The following IGF2R variants were observed in gnomAD, a reference collection of about 807,000 sequenced individuals.
IGF2R encodes the protein insulin like growth factor 2 receptor, also known as cation-independent mannose-6-phosphate receptor.
A neutral mutation model predicts 270.6 loss-of-function variants in IGF2R; 91 were observed. The ratio of observed to expected loss-of-function variants is 0.34; its 90% confidence interval spans 0.28 to 0.40. The LOEUF is 0.40. Ranked by LOEUF, IGF2R falls within the 10% of genes least tolerant of loss-of-function variation. The pLI is 1.00. For missense variants in IGF2R, 2,805 were observed against 3,188.3 expected, an observed-to-expected ratio of 0.88 and a Z score of 2.90; for synonymous variants, 1,316 against 1,258.9, an observed-to-expected ratio of 1.05 and a Z score of -0.96.
intron 1 of IGF2R, among the ~76,000 whole-genome samples, chr6:159,976,667 C>T (rs1396646120): frequency 1.3e-5 from 2 of 151,486 alleles, no homozygotes; most frequent in Non-Finnish European, 2.9e-5. Context: ...CTCCATATTT[C>T]AATTTTGTGT....
chr6:159,991,122 A>G (rs1192616244), intron 1 of IGF2R, 62 bp from the exon 2 acceptor site: 3 of 1,486,286 alleles, frequency 2.0e-6, no homozygotes, highest in East Asian at 2.3e-5. Flanking sequence ...GAATAAAACT[A>G]GAGAGAAGTT....
At chr6:159,988,963 T>C (rs1026453060) in intron 1 of IGF2R, among the ~76,000 whole-genome samples, 1 of 152,174 alleles carries the variant, frequency 6.6e-6, no homozygotes. Context: ...TGCCCAGTAA[T>C]ACTTGGGTTA....
intron 31 of IGF2R, among the ~76,000 whole-genome samples, chr6:160,070,709 A>G (rs3798180): frequency 0.46 from 69,979 of 151,968 alleles, 16,935 homozygotes; most frequent in East Asian, 0.67. Context: ...CGTGCATGAC[A>G]AGCTCGGTGG....
chr6:160,052,768 A>G (rs1210095383), intron 19 of IGF2R, among the ~76,000 whole-genome samples: 1 of 152,216 alleles, frequency 6.6e-6, no homozygotes, highest in African/African-American at 2.4e-5. Context: ...GAGTCCTCAG[A>G]AATAACACCA....
At chr6:160,047,361 G>T in intron 16 of IGF2R, 25 bp downstream of exon 16, 1 of 1,540,554 alleles carries the variant, frequency 6.5e-7, no homozygotes, top group Non-Finnish European at 8.7e-7. Context: ...TCCTCATCGC[G>T]CTCCCTGAGG....
intron 1 of IGF2R, among the ~76,000 whole-genome samples, chr6:159,969,771 C>A (rs981600088): frequency 2.0e-5 from 3 of 152,154 alleles, no homozygotes; most frequent in Non-Finnish European, 2.9e-5. Context: ...TTGCTTTGTT[C>A]CCGCTGCGCG....
At position 160,073,888 on chromosome 6, in the gene IGF2R, T is replaced by A; in HGVS notation, c.5079T>A (p.Asn1693Lys). Reference sequence around the variant, plus strand: ...ATACCAACCCTGATTTCTACATCAATATTTGTCAGCCACTAAATCCCATGC... The same window carrying A: ...ATACCAACCCTGATTTCTACATCAAAATTTGTCAGCCACTAAATCCCATGC... ...ASDTNPDFYI[N>K]ICQPLNPMHG... Residue 1693 changes from asparagine (N) to lysine (K), a missense_variant, in exon 35 of 48, where the codon AAT (asparagine) becomes AAA (lysine). Asn to Lys is a moderately conservative substitution (Grantham distance 94). Around this residue, in one of 2 missense-constraint regions of IGF2R, gnomAD observed 1,851 missense variants for 2,207.2 expected, o/e 0.84. Coordinates refer to ENST00000356956, the MANE Select transcript of IGF2R (RefSeq NM_000876.4). 2 of 1,614,214 alleles carry A rather than the reference T, an allele frequency of 1.2e-6. No homozygotes were observed. The highest frequency in any genetic ancestry group is 1.7e-6 in the Non-Finnish European group (2 of 1,180,018).
chr6:160,061,703 T>C (rs756993009), intron 24 of IGF2R, 50 bp from the exon 25 acceptor site: 1 of 1,613,484 alleles, frequency 6.2e-7, no homozygotes, highest in South Asian at 1.1e-5. Flanking sequence ...AGCATTTGAC[T>C]CAAGGTCATC....
At position 160,102,710 on chromosome 6, in the gene IGF2R, A is replaced by G; in HGVS notation, c.6995+39A>G. ...AGGGCGAGGTGGGGCGGGTGGATGC[A>G]TGCCTCCCATAGCTAATCTTGGGGT... On this transcript the variant is annotated intron_variant, in intron 46 of 47. Transcript: ENST00000356956. This position sits in a 1 kb window ranked among gnomAD's most constrained non-coding sequence, Gnocchi z 4.5. 1 of 1,550,044 alleles carries G rather than the reference A, an allele frequency of 6.5e-7. No individual in the cohort carries two copies. The highest frequency in any genetic ancestry group is 2.4e-5 in the East Asian group (1 of 41,770).
At chr6:160,005,825 T>TC (rs1784214637) in intron 2 of IGF2R, 3 of 140,240 alleles carry the variant, frequency 2.1e-5, no homozygotes, top group African/African-American at 8.0e-5. Context: ...CCTCCCCATG[T>TC]CCCCCACGAC....
rs535124525 is a variant in IGF2R, at chr6:160,050,764, G to A, written c.2694+112G>A. 3.3e-6 allele frequency: 3 copies of A among 917,548 alleles called. No individual in the cohort carries two copies. Among genetic ancestry groups the A allele is most frequent in the East Asian group, 5.4e-5 (2 of 37,222 alleles). The allele number at this position is 917,548 out of a possible 1,614,324, so 56.8% of individuals were successfully genotyped here. On this transcript the variant is annotated intron_variant, in intron 19 of 47. Transcript: ENST00000356956. This position sits in a 1 kb window ranked among gnomAD's most constrained non-coding sequence, Gnocchi z 4.0. ...TGGGGTGGGTGGCGGAGCTAGGCCA[G>A]TCTTAGTTCTGCTTAAGGTCAGTGT...
In IGF2R at chr6:160,040,585, A is replaced by T. The variant is rs996265035; in HGVS notation, c.1341A>T (p.Val447=). ...TAGNDGKGTP[V]FTGEVDCTYF... ...GTAACGATGGGAAAGGAACTCCTGT[A>T]TTCACAGGGGAGGTTGACTGCACCT... Residue 447 remains valine, a synonymous_variant, in exon 11 of 48, where the codon GTA becomes GTT. Transcript: ENST00000356956. 3.1e-6 allele frequency: 5 copies of T among 1,613,838 alleles called. No homozygotes were observed. The African/African-American group carries it at 5.3e-5, about 17-fold the overall frequency.
chr6:160,068,861 C>G (rs1375238065), intron 30 of IGF2R, among the ~76,000 whole-genome samples: 2 of 152,090 alleles, frequency 1.3e-5, no homozygotes, highest in Non-Finnish European at 2.9e-5. Flanking sequence ...CGTGGTTCGG[C>G]CGAGAAACAG....
At chr6:160,076,349 A>G (rs1778854891) in intron 36 of IGF2R, among the ~76,000 whole-genome samples, 1 of 152,224 alleles carries the variant, frequency 6.6e-6, no homozygotes, top group Non-Finnish European at 1.5e-5. Flanking sequence ...ACATTTGGGC[A>G]GCTATAGTCA....
chr6:160,040,769 G>T, intron 11 of IGF2R, 45 bp downstream of exon 11: 2 of 1,562,246 alleles, frequency 1.3e-6, no homozygotes, highest in South Asian at 2.3e-5. Context: ...CATGCTCATG[G>T]AACATTTTCC....
chr6:159,979,014 T>G (rs1444144524), intron 1 of IGF2R, among the ~76,000 whole-genome samples: 1 of 151,276 alleles, frequency 6.6e-6, no homozygotes, highest in Non-Finnish European at 1.5e-5. Context: ...TTTTCAGGAG[T>G]GTGTGACAGC....
chr6:160,088,207 C>T, intron 42 of IGF2R, 60 bp downstream of exon 42: 2 of 1,123,144 alleles, frequency 1.8e-6, no homozygotes, highest in South Asian at 1.2e-5. Context: ...GGGAATTCCT[C>T]CTTGGGGTTT....
intron 4 of IGF2R, among the ~76,000 whole-genome samples, chr6:160,013,907 A>G (rs1184482800): frequency 1.3e-5 from 2 of 152,246 alleles, no homozygotes; most frequent in African/African-American, 2.4e-5. Flanking sequence ...TTTAAAACAT[A>G]TTGAAGGTTT....
chr6:160,010,825 C>A, intron 4 of IGF2R, 40 bp downstream of exon 4: 1 of 1,156,118 alleles, frequency 8.6e-7, no homozygotes, highest in Non-Finnish European at 1.3e-6. Flanking sequence ...ATGAAGTATA[C>A]TCTGGGGAAC....
Sources: gnomAD v4.1 joint callset for allele counts (sites outside exome capture counted in the v4.1 genomes callset) on GRCh38, gnomAD v4.1.1 for gene constraint, gnomAD v4.1.1 regional missense constraint, Gnocchi (gnomAD v3.1) non-coding constraint, MANE v1.5 for transcripts, NCBI Gene and HGNC (gene_info 2026-07-23, HGNC 2026-07-21) for gene names.